The following RUFY1 variants were observed in gnomAD, a reference collection of about 807,000 sequenced individuals.
RUFY1 encodes the protein RUN and FYVE domain-containing protein 1.
Under a neutral mutation model 94.6 loss-of-function variants are expected in RUFY1, and 54 were observed. The observed-to-expected ratio is 0.57, with a 90% CI of 0.46 to 0.72. The LOEUF is 0.72. RUFY1 is among the 30% of genes least tolerant of loss of function. The pLI, the probability that RUFY1 is intolerant of heterozygous loss-of-function variation, is 0.00. For synonymous variants in RUFY1, 396 were observed against 347.3 expected, an observed-to-expected ratio of 1.14 and a Z score of -1.56; for missense variants, 883 against 883.9, an observed-to-expected ratio of 1.00 and a Z score of 0.01.
At chr5:179,563,988 T>G (rs1376435379) in intron 3 of RUFY1, among the ~76,000 whole-genome samples, 3 of 152,012 alleles carry the variant, frequency 2.0e-5, no homozygotes, top group Admixed American at 1.3e-4. Context: ...ACCTTTTTCA[T>G]GAGCCTCTCA....
chr5:179,567,553 A>T lies in RUFY1; in HGVS notation c.695A>T (p.His232Leu), dbSNP rs1425486036. 1 of 1,604,238 alleles carries T rather than the reference A, an allele frequency of 6.2e-7. No homozygotes were observed. The highest frequency in any genetic ancestry group is 1.3e-5 in the African/African-American group (1 of 74,754). ...CTGAAAGTGCTTATAGACAATAAAC[A>T]TCTCTTAAGGTATTTCATCAACCAT... ...DYLKVLIDNK[H>L]LLSEFYEPEA... Residue 232 changes from histidine (H) to leucine (L), a missense_variant, in exon 4 of 18, where the codon CAT becomes CTT. Coordinates refer to ENST00000319449, the MANE Select transcript of RUFY1 (RefSeq NM_025158.5).
At chr5:179,573,172 G>C (rs12189110) in intron 5 of RUFY1, among the ~76,000 whole-genome samples, 19,285 of 152,088 alleles carry the variant, frequency 0.13, 1,435 homozygotes, top group Middle Eastern at 0.22. Flanking sequence ...GTATATTCTA[G>C]ACTCTGGTAG....
At position 179,584,082 on chromosome 5, in the gene RUFY1, T is replaced by C. The variant is rs534668862; in HGVS notation, c.957-1714T>C. On this transcript the variant is annotated intron_variant, in intron 7 of 17. Coordinates refer to ENST00000319449, the MANE Select transcript of RUFY1 (RefSeq NM_025158.5). ...AAGAAAAATATACAATTGGGGGGTA[T>C]TTTCTAAATTATCAAGTTGGCACAG... Among the ~76,000 whole-genome samples the C allele has an allele frequency of 2.6e-5, 4 of 152,340 alleles. No homozygotes were observed. In the South Asian group the frequency reaches 6.2e-4, roughly 24 times the overall value.
intron 1 of RUFY1, among the ~76,000 whole-genome samples, chr5:179,551,594 C>A (rs1232756131): frequency 1.3e-5 from 2 of 151,690 alleles, no homozygotes; most frequent in Admixed American, 1.3e-4. Flanking sequence ...CGGGTTCAAG[C>A]GATCCTCCCT....
chr5:179,606,036 G>C (rs1427744391), intron 16 of RUFY1, 112 bp downstream of exon 16: 1 of 753,914 alleles, frequency 1.3e-6, no homozygotes, highest in Non-Finnish European at 2.3e-6. Context: ...TGAGGCAGTG[G>C]TGATGACGTA....
At chr5:179,596,240 T>A (rs1292920559) in intron 12 of RUFY1, 2 of 384,610 alleles carry the variant, frequency 5.2e-6, no homozygotes, top group South Asian at 4.6e-5. Flanking sequence ...GAAACTTGGA[T>A]TGATCTCCAA....
chr5:179,577,664 C>A (rs1337207155), intron 6 of RUFY1, among the ~76,000 whole-genome samples: 4 of 147,260 alleles, frequency 2.7e-5, no homozygotes, highest in Admixed American at 1.3e-4. Flanking sequence ...TGGGGAGTTT[C>A]AGCCGAAAGA....
In RUFY1 at chr5:179,598,483, T is replaced by C. The variant is rs1471778104; in HGVS notation, c.1632-209T>C. 3 of 607,966 alleles carry C rather than the reference T, an allele frequency of 4.9e-6. No individual in the cohort carries two copies. In the East Asian group the frequency reaches 8.3e-5, roughly 17 times the overall value. The allele number at this position is 607,966 out of a possible 1,614,324, so 37.7% of individuals were successfully genotyped here. ...CCTTCTCCCCTGCGTAAGTGTCAAG[T>C]GTGTGCCTGCAGGCTTTTCTCTCCC... is the stretch of plus-strand genomic sequence containing the variant. On this transcript the variant is annotated intron_variant, in intron 13 of 17. Transcript: ENST00000319449.
At chr5:179,579,480 G>A (rs112542466) in intron 6 of RUFY1, among the ~76,000 whole-genome samples, 66 of 151,626 alleles carry the variant, frequency 4.4e-4, no homozygotes, top group African/African-American at 1.2e-3. Flanking sequence ...ACAGGCGCCC[G>A]CCACCTCACC....
intron 15 of RUFY1, chr5:179,602,362 T>C (rs1766524937): frequency 4.9e-6 from 1 of 205,062 alleles, no homozygotes; most frequent in African/African-American, 2.3e-5. Flanking sequence ...CCTGGCACAG[T>C]AGAGGTGCAC....
At position 179,592,193 on chromosome 5, in the gene RUFY1, C is replaced by A. The variant is rs563962015; in HGVS notation, c.1245+452C>A. On this transcript the variant is annotated intron_variant, in intron 10 of 17. Transcript: ENST00000319449. ...AGAGTGCAGTGGTGTGATCTCGGCTCACTGCAACGTCTGCCTCCCAGGTTC... is the reference window on the plus strand; with the variant it reads ...AGAGTGCAGTGGTGTGATCTCGGCTAACTGCAACGTCTGCCTCCCAGGTTC... Among the ~76,000 whole-genome samples, 182 of 150,770 alleles carry A rather than the reference C, an allele frequency of 1.2e-3. 3 individuals are homozygous for A. Among genetic ancestry groups the A allele is most frequent in the Middle Eastern group, 3.4e-3 (1 of 294 alleles).
intron 6 of RUFY1, among the ~76,000 whole-genome samples, chr5:179,580,241 G>GTGTGTGTGTA (rs149099074): frequency 3.6e-4 from 34 of 93,850 alleles, no homozygotes; most frequent in African/African-American, 1.1e-3. Context: ...GTGTGTGTGT[G>GTGTGTGTGTA]TATATTTTTT....
At chr5:179,559,231 G>A (rs985454318) in intron 1 of RUFY1, among the ~76,000 whole-genome samples, 3 of 152,200 alleles carry the variant, frequency 2.0e-5, no homozygotes, top group African/African-American at 7.2e-5. Flanking sequence ...CATTTGGCCA[G>A]CACGTATAGA....
chr5:179,602,253 T>C, intron 15 of RUFY1: 1 of 421,784 alleles, frequency 2.4e-6, no homozygotes, highest in Non-Finnish European at 4.4e-6. Context: ...ATTCCTTAGC[T>C]TCATATCCAG....
At chr5:179,602,048 C>A in intron 15 of RUFY1, 62 bp downstream of exon 15, 1 of 1,371,816 alleles carries the variant, frequency 7.3e-7, no homozygotes, top group Non-Finnish European at 1.0e-6. Context: ...CCACATCCCT[C>A]AGGCCCCAAA....
At chr5:179,595,639 C>T (rs528497288) in intron 12 of RUFY1, among the ~76,000 whole-genome samples, 1 of 151,758 alleles carries the variant, frequency 6.6e-6, no homozygotes, top group East Asian at 1.9e-4. Flanking sequence ...GCAATCTCTA[C>T]CTCCCAGGTT....
chr5:179,597,214 G>A (rs554863390), intron 13 of RUFY1, among the ~76,000 whole-genome samples: 1 of 151,712 alleles, frequency 6.6e-6, no homozygotes, highest in Admixed American at 6.6e-5. Context: ...CAACACACCC[G>A]GCTAATTTTT....
chr5:179,600,684 CTTTTTTTTTTTTTTTTTT>C (rs398000079), intron 14 of RUFY1, among the ~76,000 whole-genome samples: 1 of 54,662 alleles, frequency 1.8e-5, no homozygotes, highest in Non-Finnish European at 3.1e-5. Context: ...ATGATGGTAA[CTTTTTTTTTTTTTTTTTT>C]TTTTTTTTTT....
intron 8 of RUFY1, chr5:179,586,489 G>T: frequency 2.2e-6 from 1 of 455,128 alleles, no homozygotes; most frequent in Non-Finnish European, 4.4e-6. Flanking sequence ...GCAGTCCCCG[G>T]CTGCCCAGGC....
Sources: gnomAD v4.1 joint callset for allele counts (sites outside exome capture counted in the v4.1 genomes callset) on GRCh38, gnomAD v4.1.1 for gene constraint, MANE v1.5 for transcripts, NCBI Gene and HGNC (gene_info 2026-07-23, HGNC 2026-07-21) for gene names.